The following UST variants were observed in gnomAD, a reference collection of about 807,000 sequenced individuals.
The protein encoded by UST is chondroitin sulfate 2-O-sulfotransferase.
In UST, 21 loss-of-function variants were observed where a neutral mutation model predicts 45.6. That is an observed-to-expected ratio of 0.46 (90% CI 0.33 to 0.66). The LOEUF is 0.66. Among genes scored for constraint, UST ranks in the 30% least tolerant of loss-of-function variants. The probability of loss-of-function intolerance (pLI) is 0.02; values close to 1 mark genes in which losing one functional copy is unlikely to be tolerated. For synonymous variants in UST, 215 were observed against 200.6 expected, an observed-to-expected ratio of 1.07 and a Z score of -0.61; for missense variants, 463 against 512.4, an observed-to-expected ratio of 0.90 and a Z score of 0.93.
Position 148,806,498 on chromosome 6 carries a change from T to C in UST, c.247+58821T>C, listed in dbSNP as rs1167740246. 5.3e-5 allele frequency among the ~76,000 whole-genome samples: 8 copies of C among 149,826 alleles called. No homozygotes were observed. The East Asian group carries it at 9.8e-4, about 18-fold the overall frequency. On this transcript the variant is annotated intron_variant, in intron 1 of 7. Transcript: ENST00000367463. Reference sequence around the variant, plus strand: ...GGACTACAGGCACACACCACTGGCTTTTTTTTTTTGGTATTTTAGTAGAGA... The same window carrying C: ...GGACTACAGGCACACACCACTGGCTCTTTTTTTTTGGTATTTTAGTAGAGA...
At chr6:148,973,869 C>A in intron 5 of UST, among the ~76,000 whole-genome samples, 1 of 152,192 alleles carries the variant, frequency 6.6e-6, no homozygotes, top group East Asian at 1.9e-4. Flanking sequence ...ATTCTAATTG[C>A]GAGTACTTAT....
chr6:148,830,307 A>G (rs1314915247), intron 1 of UST, among the ~76,000 whole-genome samples: 1 of 152,222 alleles, frequency 6.6e-6, no homozygotes, highest in African/African-American at 2.4e-5. Flanking sequence ...TGTATTTTCT[A>G]TTATCCTTTC....
intron 2 of UST, among the ~76,000 whole-genome samples, chr6:148,891,351 C>T (rs887155332): frequency 6.6e-6 from 1 of 152,194 alleles, no homozygotes; most frequent in Non-Finnish European, 1.5e-5. Context: ...TATACATTGA[C>T]ATCCCAAACC....
chr6:148,753,036 A>G (rs571536349), intron 1 of UST, among the ~76,000 whole-genome samples: 1 of 152,356 alleles, frequency 6.6e-6, no homozygotes, highest in East Asian at 1.9e-4. Flanking sequence ...AACATTTCAC[A>G]AAAATTCTTA....
chr6:148,865,669 T>C lies in UST; in HGVS notation c.248-21317T>C, dbSNP rs1479333671. Among the ~76,000 whole-genome samples, 5 of 9,584 alleles carry C rather than the reference T, an allele frequency of 5.2e-4. No individual in the cohort carries two copies. In the East Asian group the frequency reaches 0.046, roughly 89 times the overall value. 6.3% of individuals were successfully genotyped at this position (9,584 alleles called of 152,430 possible). On this transcript the variant is annotated intron_variant, in intron 1 of 7. Coordinates refer to ENST00000367463, the MANE Select transcript of UST (RefSeq NM_005715.3). ...CCATTCTTTCCTTGCTGAAATTGTGTGTGTGTGTGTGTGTGTGTGTGTGTG... is the reference window on the plus strand; with the variant it reads ...CCATTCTTTCCTTGCTGAAATTGTGCGTGTGTGTGTGTGTGTGTGTGTGTG...
intron 2 of UST, among the ~76,000 whole-genome samples, chr6:148,894,849 C>T (rs538720995): frequency 1.0e-4 from 12 of 117,840 alleles, no homozygotes; most frequent in East Asian, 5.0e-4. Context: ...GATGGAGTCT[C>T]GCTCTATTGC....
At chr6:148,920,980 A>G (rs1230903337) in intron 2 of UST, among the ~76,000 whole-genome samples, 1 of 152,224 alleles carries the variant, frequency 6.6e-6, no homozygotes, top group Non-Finnish European at 1.5e-5. Context: ...AGACCCCTTT[A>G]TAAGCTCTCC....
At chr6:148,809,537 G>T (rs1028310411) in intron 1 of UST, among the ~76,000 whole-genome samples, 3 of 152,128 alleles carry the variant, frequency 2.0e-5, no homozygotes, top group Non-Finnish European at 4.4e-5. Context: ...GGGCAGGAGT[G>T]GTGGCATTCT....
intron 2 of UST, among the ~76,000 whole-genome samples, chr6:148,919,086 C>A (rs1023897800): frequency 6.6e-6 from 1 of 152,102 alleles, no homozygotes; most frequent in African/African-American, 2.4e-5. Context: ...TGAAACTGAA[C>A]CCCGTTAATA....
intron 5 of UST, among the ~76,000 whole-genome samples, chr6:148,977,751 CAAA>C (rs60475773): frequency 0.013 from 1,105 of 88,204 alleles, 19 homozygotes; most frequent in African/African-American, 0.044. Context: ...GAATCTGTCT[CAAA>C]AAAAAAAAAA....
chr6:148,985,646 A>G (rs1264404176), intron 5 of UST, among the ~76,000 whole-genome samples: 1 of 152,214 alleles, frequency 6.6e-6, no homozygotes, highest in Admixed American at 6.5e-5. Context: ...AGATGTGGAA[A>G]AAATGAAGAT....
chr6:148,912,456 T>C lies in UST; in HGVS notation c.291+25427T>C, dbSNP rs528709354. On this transcript the variant is annotated intron_variant, in intron 2 of 7. Transcript: ENST00000367463. ...AACCATGCTTCGTTAAAGTCTGTACTTTGAAGAGTTTCAGGCCTTGTTGTT... is the reference window on the plus strand; with the variant it reads ...AACCATGCTTCGTTAAAGTCTGTACCTTGAAGAGTTTCAGGCCTTGTTGTT... Among the ~76,000 whole-genome samples, 3 of 152,350 alleles carry C rather than the reference T, an allele frequency of 2.0e-5. No individual in the cohort carries two copies. The South Asian group carries it at 6.2e-4, about 32-fold the overall frequency.
chr6:148,847,328 C>G (rs1478522627), intron 1 of UST, among the ~76,000 whole-genome samples: 1 of 152,238 alleles, frequency 6.6e-6, no homozygotes, highest in Non-Finnish European at 1.5e-5. Context: ...GAGCTGCTAG[C>G]AAACTCAAGT....
intron 2 of UST, among the ~76,000 whole-genome samples, chr6:148,887,364 CG>C (rs1170544699): frequency 6.6e-6 from 1 of 152,252 alleles, no homozygotes; most frequent in African/African-American, 2.4e-5. Context: ...TAGCCACACC[CG>C]GCCTCCCCAT....
intron 7 of UST, among the ~76,000 whole-genome samples, chr6:149,048,485 G>A (rs1288583558): frequency 4.0e-5 from 6 of 151,088 alleles, no homozygotes; most frequent in African/African-American, 1.5e-4. Flanking sequence ...GTAGTGAGCC[G>A]AGATGGGGCC....
chr6:148,838,792 C>T (rs919926731), intron 1 of UST, among the ~76,000 whole-genome samples: 1 of 151,720 alleles, frequency 6.6e-6, no homozygotes, highest in Non-Finnish European at 1.5e-5. Flanking sequence ...TGAAGAATCA[C>T]AGAGGAAGAA....
intron 1 of UST, among the ~76,000 whole-genome samples, chr6:148,814,259 C>G (rs966560905): frequency 1.3e-5 from 2 of 152,096 alleles, no homozygotes; most frequent in African/African-American, 4.8e-5. Context: ...CTTTACAGCC[C>G]GCTGTAAGGA....
intron 1 of UST, among the ~76,000 whole-genome samples, chr6:148,820,830 G>T (rs1777446700): frequency 7.1e-6 from 1 of 141,366 alleles, no homozygotes; most frequent in South Asian, 2.3e-4. Flanking sequence ...TCCAGCCTGG[G>T]CAACAGAGCG....
chr6:149,023,999 C>T (rs563448310), intron 7 of UST, among the ~76,000 whole-genome samples: 10 of 152,280 alleles, frequency 6.6e-5, no homozygotes, highest in African/African-American at 2.4e-4. Flanking sequence ...TTATTTTTCC[C>T]TCAGAGTTTG....
Sources: allele counts gnomAD v4.1 joint callset (sites outside exome capture counted in the v4.1 genomes callset), GRCh38; gene constraint gnomAD v4.1.1; transcripts MANE v1.5; gene names NCBI Gene and HGNC (gene_info 2026-07-23, HGNC 2026-07-21).